SYNDIG1: variants seen among roughly 807,000 people sequenced by gnomAD.
SYNDIG1 encodes the protein synapse differentiation inducing 1, also known as synapse differentiation-inducing gene protein 1.
In SYNDIG1, 9 loss-of-function variants were observed where a neutral mutation model predicts 19.4. The ratio of observed to expected loss-of-function variants is 0.46; its 90% confidence interval spans 0.28 to 0.81. The LOEUF is 0.81. Among genes scored for constraint, SYNDIG1 ranks in the 30% least tolerant of loss-of-function variants. SYNDIG1 has a pLI of 0.12. For synonymous variants in SYNDIG1, 141 were observed against 145.9 expected (o/e 0.97, Z 0.24); for missense variants, 311 against 343.3 (o/e 0.91, Z 0.74).
At chr20:24,549,040 C>T (rs2146777563) in intron 2 of SYNDIG1, among the ~76,000 whole-genome samples, 1 of 152,174 alleles carries the variant, frequency 6.6e-6, no homozygotes, top group East Asian at 1.9e-4. Flanking sequence ...TATTCATTAT[C>T]TCAAACTTTG....
chr20:24,595,829 A>G (rs1036064168), intron 3 of SYNDIG1, among the ~76,000 whole-genome samples: 1 of 151,892 alleles, frequency 6.6e-6, no homozygotes, highest in Non-Finnish European at 1.5e-5. Context: ...GATTGTGTTT[A>G]TTTGGACCTT....
chr20:24,584,778 C>T, intron 2 of SYNDIG1, 78 bp from the exon 3 acceptor site: 3 of 1,602,456 alleles, frequency 1.9e-6, no homozygotes, highest in Non-Finnish European at 1.7e-6. Flanking sequence ...CAGGGGTCAT[C>T]CCACATCCCT....
At chr20:24,502,950 G>A (rs1687940730) in intron 1 of SYNDIG1, among the ~76,000 whole-genome samples, 1 of 152,228 alleles carries the variant, frequency 6.6e-6, no homozygotes, top group Non-Finnish European at 1.5e-5. Flanking sequence ...GGGAAATTAA[G>A]TAGATACGAA....
At chr20:24,548,620 T>G (rs1040333397) in intron 2 of SYNDIG1, among the ~76,000 whole-genome samples, 2 of 152,194 alleles carry the variant, frequency 1.3e-5, no homozygotes, top group Non-Finnish European at 2.9e-5. Context: ...AAACAGCATT[T>G]TGAAAATTAT....
chr20:24,665,712 T>C lies in SYNDIG1; in HGVS notation c.*208T>C. ...AGAGCACCAGACAGACGGGCACTGCTAATCCTTCCAAAGGAAAGCTCCAAA... is the reference window on the plus strand; with the variant it reads ...AGAGCACCAGACAGACGGGCACTGCCAATCCTTCCAAAGGAAAGCTCCAAA... On this transcript the variant is annotated 3_prime_UTR_variant, in exon 4 of 4. Transcript: ENST00000376862. The C allele has an allele frequency of 1.6e-6, 1 of 608,516 alleles. No individual in the cohort carries two copies. Among genetic ancestry groups the C allele is most frequent in the South Asian group, 2.7e-5 (1 of 37,152 alleles). 37.7% of individuals were successfully genotyped at this position (608,516 alleles called of 1,614,324 possible). A position where few individuals can be genotyped will look rare whatever the true frequency, so the allele number is the denominator to read the frequency against.
In SYNDIG1 at chr20:24,548,342, C is replaced by T. The variant is rs182331590; in HGVS notation, c.480+4765C>T. ...AGTCCAAGGACAAAGCAGGAAGAGA[C>T]GGCACCAGGACTTCACTTCTGTGAA... On this transcript the variant is annotated intron_variant, in intron 2 of 3. Transcript: ENST00000376862. Among the ~76,000 whole-genome samples the T allele has an allele frequency of 9.8e-5, 15 of 152,328 alleles. 1 individual carries two copies. The highest frequency in any genetic ancestry group is 9.7e-4 in the East Asian group (5 of 5,174).
At chr20:24,529,477 C>T (rs2057196924) in intron 1 of SYNDIG1, among the ~76,000 whole-genome samples, 1 of 152,172 alleles carries the variant, frequency 6.6e-6, no homozygotes, top group Non-Finnish European at 1.5e-5. Context: ...AACTGCTCAA[C>T]TCTTCCCTTG....
intron 3 of SYNDIG1, among the ~76,000 whole-genome samples, chr20:24,606,595 A>G (rs2058760427): frequency 6.6e-6 from 1 of 152,232 alleles, no homozygotes; most frequent in Non-Finnish European, 1.5e-5. Context: ...GTCCATCTGG[A>G]TGCTACTTTG....
At chr20:24,581,094 G>A (rs1264945320) in intron 2 of SYNDIG1, among the ~76,000 whole-genome samples, 3 of 152,100 alleles carry the variant, frequency 2.0e-5, no homozygotes, top group Non-Finnish European at 4.4e-5. Context: ...GAGAAGCAAT[G>A]GAGGCAAAGT....
At chr20:24,573,771 CAG>C (rs1049152582) in intron 2 of SYNDIG1, among the ~76,000 whole-genome samples, 1 of 152,212 alleles carries the variant, frequency 6.6e-6, no homozygotes, top group African/African-American at 2.4e-5. Context: ...TCAAGTGTCC[CAG>C]AGTCTCATGG....
At chr20:24,628,540 G>C (rs901641337) in intron 3 of SYNDIG1, among the ~76,000 whole-genome samples, 16 of 152,330 alleles carry the variant, frequency 1.1e-4, no homozygotes, top group Non-Finnish European at 1.6e-4. Context: ...ACCCTGAGCA[G>C]AATTTCCACT....
intron 3 of SYNDIG1, among the ~76,000 whole-genome samples, chr20:24,638,160 G>A (rs1263318434): frequency 6.6e-6 from 1 of 152,232 alleles, no homozygotes; most frequent in Non-Finnish European, 1.5e-5. Context: ...CCAGCTCAAA[G>A]CTGCACTGTC....
chr20:24,639,812 C>A (rs993477887), intron 3 of SYNDIG1, among the ~76,000 whole-genome samples: 2 of 152,054 alleles, frequency 1.3e-5, no homozygotes, highest in Non-Finnish European at 1.5e-5. Context: ...TAAAGTCTGC[C>A]TTTTTGTAAT....
rs375945693 is a variant in SYNDIG1, at chr20:24,530,855, C to A, written c.-78-12165C>A. Among the ~76,000 whole-genome samples, 8 of 150,002 alleles carry A rather than the reference C, an allele frequency of 5.3e-5. No homozygotes were observed. In the East Asian group the frequency reaches 1.4e-3, roughly 25 times the overall value. On this transcript the variant is annotated intron_variant, in intron 1 of 3. Coordinates refer to ENST00000376862, the MANE Select transcript of SYNDIG1 (RefSeq NM_024893.3). ...ACGGAGTCTTGTTCTGTCGCCCAGG[C>A]TGGAGAGCAGTGGTGCAATCTCTGC...
intron 3 of SYNDIG1, among the ~76,000 whole-genome samples, chr20:24,640,480 A>AGGAC (rs2147335853): frequency 2.5e-5 from 1 of 39,724 alleles, no homozygotes; most frequent in Non-Finnish European, 8.8e-5. Flanking sequence ...GAAAGAAGGA[A>AGGAC]GGAAGGAAGG....
intron 2 of SYNDIG1, among the ~76,000 whole-genome samples, chr20:24,548,385 C>T (rs1182727028): frequency 6.6e-6 from 1 of 152,210 alleles, no homozygotes; most frequent in Non-Finnish European, 1.5e-5. Flanking sequence ...CCAAGCTTTC[C>T]AAGGCCTTCC....
chr20:24,560,838 C>G (rs1043807480), intron 2 of SYNDIG1, among the ~76,000 whole-genome samples: 2 of 150,368 alleles, frequency 1.3e-5, no homozygotes, highest in African/African-American at 2.4e-5. Context: ...GATTTTTACC[C>G]CTAAGGTTAT....
chr20:24,509,623 G>A (rs1308601894), intron 1 of SYNDIG1, among the ~76,000 whole-genome samples: 1 of 151,956 alleles, frequency 6.6e-6, no homozygotes, highest in Non-Finnish European at 1.5e-5. Context: ...TTTTTTTCTG[G>A]AGAATATGCT....
chr20:24,660,217 A>G (rs771761366), intron 3 of SYNDIG1, among the ~76,000 whole-genome samples: 1 of 152,226 alleles, frequency 6.6e-6, no homozygotes, highest in Non-Finnish European at 1.5e-5. Context: ...TGAATACATG[A>G]ATAATTCTTA....
Sources: allele counts gnomAD v4.1 joint callset (sites outside exome capture counted in the v4.1 genomes callset), GRCh38; gene constraint gnomAD v4.1.1; transcripts MANE v1.5; gene names NCBI Gene and HGNC (gene_info 2026-07-23, HGNC 2026-07-21).